Variants in SEMA3D observed in about 807,000 individuals in gnomAD.
SEMA3D encodes semaphorin 3D.
In SEMA3D, 84 loss-of-function variants were observed where a neutral mutation model predicts 100.1. That is an observed-to-expected ratio of 0.84 (90% CI 0.70 to 1.01). The LOEUF (loss-of-function observed/expected upper bound fraction) is 1.01, where lower values mean the gene tolerates loss of function less well. SEMA3D is among the 50% of genes least tolerant of loss of function. SEMA3D has a pLI of 0.00. For missense variants in SEMA3D, 875 were observed against 934.1 expected, an observed-to-expected ratio of 0.94 and a Z score of 0.82; for synonymous variants, 312 against 320.7, an observed-to-expected ratio of 0.97 and a Z score of 0.29.
chr7:85,096,016 C>G (rs1562816143), intron 4 of SEMA3D, among the ~76,000 whole-genome samples: 1 of 151,870 alleles, frequency 6.6e-6, no homozygotes, highest in Admixed American at 6.6e-5. Flanking sequence ...AGGCAGAGAA[C>G]AGAACAAGAA....
chr7:85,036,235 A>G (rs1177776970), intron 12 of SEMA3D, among the ~76,000 whole-genome samples: 2 of 152,148 alleles, frequency 1.3e-5, no homozygotes, highest in Admixed American at 1.3e-4. Flanking sequence ...CCCTTCACTT[A>G]AAATGCATGT....
intron 8 of SEMA3D, among the ~76,000 whole-genome samples, chr7:85,057,828 G>A (rs1328601368): frequency 1.3e-5 from 2 of 152,120 alleles, no homozygotes; most frequent in Admixed American, 1.3e-4. Context: ...CTACTTGGGA[G>A]GCTGAGGCAC....
chr7:85,162,831 G>A (rs1790783446), intron 1 of SEMA3D, among the ~76,000 whole-genome samples: 1 of 152,150 alleles, frequency 6.6e-6, no homozygotes, highest in South Asian at 2.1e-4. Context: ...GAAGGTTCCA[G>A]TAGCTGAGAG....
chr7:85,140,571 T>C (rs1790017250), intron 2 of SEMA3D: 1 of 967,090 alleles, frequency 1.0e-6, no homozygotes, highest in South Asian at 4.8e-5. Context: ...TATAGCAGAG[T>C]TTTATCTATA....
At chr7:85,081,100 C>G (rs1165766250) in intron 5 of SEMA3D, among the ~76,000 whole-genome samples, 6 of 152,088 alleles carry the variant, frequency 3.9e-5, no homozygotes, top group Admixed American at 3.9e-4. Flanking sequence ...AATTTGAACT[C>G]AGTTGAAATT....
At chr7:85,167,484 G>T in intron 1 of SEMA3D, 15 of 546,814 alleles carry the variant, frequency 2.7e-5, no homozygotes, top group Non-Finnish European at 3.3e-5. Context: ...TGGTAGATTA[G>T]TAAGAATGTG....
At position 85,135,656 on chromosome 7, in the gene SEMA3D, A is replaced by AAAATAAAT. The variant is rs201274421; in HGVS notation, c.-40-13733_-40-13726dup. Among the ~76,000 whole-genome samples, 156 of 147,570 alleles carry AAAATAAAT rather than the reference A, an allele frequency of 1.1e-3. 1 individual carries two copies. The South Asian group carries it at 0.013, about 12-fold the overall frequency. The stretch of plus-strand genomic sequence containing the variant: ...TGTACCCTAGAACTTTAAGTATAAT[A>AAAATAAAT]AAATAAATAAATAAATAAATAAATA... On this transcript the variant is annotated intron_variant, in intron 2 of 18. Transcript: ENST00000284136.
chr7:85,143,913 G>A (rs937028316), intron 2 of SEMA3D, among the ~76,000 whole-genome samples: 7 of 151,880 alleles, frequency 4.6e-5, no homozygotes, highest in African/African-American at 1.7e-4. Flanking sequence ...GTTTCACCAT[G>A]TTGGCCAGGC....
rs1008759401 is a variant in SEMA3D at position 85,176,807 on chromosome 7, G to T, written c.-173+9871C>A. On this transcript the variant is annotated intron_variant, in intron 1 of 18. Transcript: ENST00000284136. The stretch of plus-strand genomic sequence containing the variant: ...ATATATATATATAGAGAGAGAGAGA[G>T]AGAGAGAGAATTGACATTTAGAGAT... Among the ~76,000 whole-genome samples, 23 of 151,292 alleles carry T rather than the reference G, an allele frequency of 1.5e-4. 1 individual carries two copies. The highest frequency in any genetic ancestry group is 1.4e-3 in the Admixed American group (20 of 14,788).
intron 9 of SEMA3D, among the ~76,000 whole-genome samples, chr7:85,052,550 C>T (rs185627697): frequency 1.7e-4 from 26 of 152,090 alleles, no homozygotes; most frequent in Middle Eastern, 3.4e-3. Context: ...AATGCCTGGC[C>T]TCCATTCCTT....
intron 1 of SEMA3D, among the ~76,000 whole-genome samples, chr7:85,155,595 A>C (rs1280485399): frequency 6.6e-6 from 1 of 152,196 alleles, no homozygotes; most frequent in Non-Finnish European, 1.5e-5. Context: ...GGTGTTAATT[A>C]AAGACATTTT....
At chr7:85,096,821 G>T (rs917726964) in intron 4 of SEMA3D, among the ~76,000 whole-genome samples, 2 of 151,776 alleles carry the variant, frequency 1.3e-5, no homozygotes, top group African/African-American at 4.8e-5. Context: ...GGGTTAAAGT[G>T]GTCATTGTAG....
chr7:85,016,377 C>G (rs73394629), intron 15 of SEMA3D, among the ~76,000 whole-genome samples: 6 of 151,604 alleles, frequency 4.0e-5, no homozygotes, highest in South Asian at 2.1e-4. Context: ...AATAACCCCC[C>G]CTAAATCTAC....
In SEMA3D at chr7:85,179,127, G is replaced by C. The variant is rs1791324210; in HGVS notation, c.-173+7551C>G. Among the ~76,000 whole-genome samples the C allele has an allele frequency of 2.0e-5, 3 of 152,330 alleles. No individual in the cohort carries two copies. The Middle Eastern group carries it at 0.01, about 518-fold the overall frequency. On this transcript the variant is annotated intron_variant, in intron 1 of 18. Coordinates refer to ENST00000284136, the MANE Select transcript of SEMA3D (RefSeq NM_001384900.1). ...AGAAGAGCCCTCATGGAGAACCTCT[G>C]CTAGGGAAGTACAGAAGGGAAATGT... is the stretch of plus-strand genomic sequence containing the variant.
At chr7:85,228,125 C>T in the SEMA3D span, among the ~76,000 whole-genome samples, 2 of 152,066 alleles carry the variant, frequency 1.3e-5, no homozygotes, top group Admixed American at 6.5e-5. Flanking sequence ...TGACACATCT[C>T]TCTTAAAACT....
chr7:85,244,787 T>C, the SEMA3D span, among the ~76,000 whole-genome samples: 8 of 149,294 alleles, frequency 5.4e-5, no homozygotes, highest in Admixed American at 2.0e-4. Flanking sequence ...CTTGGCTCAC[T>C]GCAACTTCTG....
intron 18 of SEMA3D, among the ~76,000 whole-genome samples, chr7:85,004,500 T>C (rs1789740299): frequency 6.6e-6 from 1 of 152,052 alleles, no homozygotes; most frequent in Non-Finnish European, 1.5e-5. Context: ...CATCATCAAT[T>C]TTAAGAACAG....
chr7:85,206,852 A>G, the SEMA3D span, among the ~76,000 whole-genome samples: 1 of 152,130 alleles, frequency 6.6e-6, no homozygotes, highest in East Asian at 1.9e-4. Context: ...TTTTTCAAAT[A>G]CATATATCCA....
chr7:85,110,238 G>C (rs1299717379), intron 3 of SEMA3D, among the ~76,000 whole-genome samples: 2 of 151,800 alleles, frequency 1.3e-5, no homozygotes, highest in African/African-American at 2.4e-5. Context: ...ATAATGTTTA[G>C]AGCAATGTTC....
Sources: allele counts gnomAD v4.1 joint callset (sites outside exome capture counted in the v4.1 genomes callset), GRCh38; gene constraint gnomAD v4.1.1; transcripts MANE v1.5; gene names NCBI Gene and HGNC (gene_info 2026-07-23, HGNC 2026-07-21).